The following RAB5A variants were observed in gnomAD, a reference collection of about 807,000 sequenced individuals.
The protein encoded by RAB5A is RAB5A, member RAS oncogene family, also known as ras-related protein Rab-5A.
RAB5A carries 8 observed loss-of-function variants against 25.7 expected under a neutral mutation model. The observed-to-expected ratio is 0.31, with a 90% confidence interval of 0.18 to 0.56. The LOEUF is 0.56. Among genes scored for constraint, RAB5A ranks in the 20% least tolerant of loss-of-function variants. The pLI is 0.91. For missense variants in RAB5A, 192 were observed against 259.7 expected (o/e 0.74, Z 1.79); for synonymous variants, 98 against 89.8 (o/e 1.09, Z -0.52).
At position 19,975,896 on chromosome 3, in the gene RAB5A, T is replaced by TAA. The variant is rs140496148; in HGVS notation, c.316-143_316-142dup. 9.1e-4 allele frequency: 1,168 copies of TAA among 1,286,976 alleles called. 1 individual carries two copies. Among genetic ancestry groups the TAA allele is most frequent in the Middle Eastern group, 1.6e-3 (6 of 3,832 alleles). 79.7% of individuals were successfully genotyped at this position (1,286,976 alleles called of 1,614,324 possible). A position where few individuals can be genotyped will look rare whatever the true frequency, so the allele number is the denominator to read the frequency against. ...TTTTGTGAATTAGAAAATCTGGTTT[T>TAA]AAAAAAAAACGAAAATGTCTCATAA... is the stretch of plus-strand genomic sequence containing the variant. On this transcript the variant is annotated intron_variant, in intron 3 of 5. Coordinates refer to ENST00000273047, the MANE Select transcript of RAB5A (RefSeq NM_004162.5).
chr3:19,982,784 C>T (rs1433624880), intron 5 of RAB5A, among the ~76,000 whole-genome samples: 2 of 149,804 alleles, frequency 1.3e-5, no homozygotes, highest in African/African-American at 2.5e-5. Context: ...AAAAAGAGAG[C>T]ATGTATATAG....
At chr3:19,969,970 A>G (rs1696721126) in intron 2 of RAB5A, among the ~76,000 whole-genome samples, 1 of 150,344 alleles carries the variant, frequency 6.7e-6, no homozygotes, top group Admixed American at 6.7e-5. Context: ...TGCCCGGCTA[A>G]TTTGTATTTT....
At chr3:19,975,430 GTTTTC>G (rs943719686) in intron 2 of RAB5A, 166 bp from the exon 3 acceptor site, 3 of 570,194 alleles carry the variant, frequency 5.3e-6, no homozygotes, top group African/African-American at 3.8e-5. Context: ...GTTTCTAGGT[GTTTTC>G]TTTTTTTTTC....
chr3:19,975,719 A>G lies in RAB5A; in HGVS notation c.282A>G (p.Gln94=), dbSNP rs1575076136. Residue 94 remains glutamine, a synonymous_variant, in exon 3 of 6, where the codon CAA becomes CAG. Coordinates refer to ENST00000273047, the MANE Select transcript of RAB5A (RefSeq NM_004162.5). ...CACCAATGTACTACAGAGGAGCACA[A>G]GCAGCCATAGTTGTATATGATATCA... is the stretch of plus-strand genomic sequence containing the variant. ...SLAPMYYRGA[Q]AAIVVYDITN... is the part of the protein sequence containing the mutation. 3 of 1,613,736 alleles carry G rather than the reference A, an allele frequency of 1.9e-6. No individual in the cohort carries two copies. The highest frequency in any genetic ancestry group is 2.2e-5 in the East Asian group (1 of 44,848).
At chr3:19,956,158 C>T (rs934734911) in intron 2 of RAB5A, among the ~76,000 whole-genome samples, 6 of 152,146 alleles carry the variant, frequency 3.9e-5, no homozygotes. Context: ...CCTGATAATA[C>T]ACAAAATTAA....
intron 2 of RAB5A, among the ~76,000 whole-genome samples, chr3:19,971,913 A>G (rs937101988): frequency 1.3e-5 from 2 of 152,196 alleles, no homozygotes; most frequent in Non-Finnish European, 2.9e-5. Flanking sequence ...TATCTGAAGT[A>G]GCCTCTAAAT....
chr3:19,947,757 G>A (rs1696345303), intron 1 of RAB5A: 1 of 152,320 alleles, frequency 6.6e-6, no homozygotes, highest in Admixed American at 6.5e-5. Flanking sequence ...GGGAGCGACG[G>A]GTGTCACCCT....
Position 19,976,033 on chromosome 3 carries a change from T to G in RAB5A, c.316-14T>G. On this transcript the variant is annotated splice_polypyrimidine_tract_variant and intron_variant, in intron 3 of 5. Transcript: ENST00000273047. ...TTTGAGCCTGTGCTCAATGGCTGTT[T>G]CTTTGTTTAACAGGAGTCCTTTGCA... 3.7e-6 allele frequency: 6 copies of G among 1,603,888 alleles called. No individual in the cohort carries two copies. The highest frequency in any genetic ancestry group is 5.1e-6 in the Non-Finnish European group (6 of 1,177,634).
At chr3:19,953,345 C>T (rs1384988823) in intron 2 of RAB5A, among the ~76,000 whole-genome samples, 4 of 150,818 alleles carry the variant, frequency 2.7e-5, no homozygotes, top group African/African-American at 9.7e-5. Flanking sequence ...TAAAGATTTT[C>T]ATTTCTATGT....
chr3:19,979,504 C>G, intron 5 of RAB5A, among the ~76,000 whole-genome samples: 1 of 151,664 alleles, frequency 6.6e-6, no homozygotes, highest in Admixed American at 6.6e-5. Flanking sequence ...CCAGGATGGT[C>G]TCAATCTCCT....
At chr3:19,963,713 T>C (rs1052197602) in intron 2 of RAB5A, among the ~76,000 whole-genome samples, 1 of 152,146 alleles carries the variant, frequency 6.6e-6, no homozygotes, top group Non-Finnish European at 1.5e-5. Context: ...GGCATGATTA[T>C]GGCTCACTGC....
At position 19,970,043 on chromosome 3, in the gene RAB5A, A is replaced by G. The variant is rs1340662389; in HGVS notation, c.164-5558A>G. ...CCTTGAATTCCAGACCTTGTGATCC[A>G]CCCACCTCGGCCACCATGCCCGGCT... On this transcript the variant is annotated intron_variant, in intron 2 of 5. Transcript: ENST00000273047. Among the ~76,000 whole-genome samples the G allele has an allele frequency of 3.1e-5, 3 of 95,386 alleles. No homozygotes were observed. The East Asian group carries it at 6.2e-4, about 20-fold the overall frequency. 62.6% of individuals were successfully genotyped at this position (95,386 alleles called of 152,430 possible). A position where few individuals can be genotyped will look rare whatever the true frequency, so the allele number is the denominator to read the frequency against.
intron 5 of RAB5A, among the ~76,000 whole-genome samples, chr3:19,982,240 A>T (rs1190496890): frequency 2.0e-5 from 3 of 152,220 alleles, no homozygotes; most frequent in Non-Finnish European, 4.4e-5. Flanking sequence ...CTTGTCTCCA[A>T]AATGAAAAGA....
intron 2 of RAB5A, chr3:19,970,634 G>A: frequency 3.5e-5 from 16 of 456,566 alleles, no homozygotes; most frequent in South Asian, 2.3e-4. Context: ...TGGAAGTGAA[G>A]AGAAAATGAA....
intron 2 of RAB5A, among the ~76,000 whole-genome samples, chr3:19,951,561 T>A (rs1229584321): frequency 6.6e-6 from 1 of 152,210 alleles, no homozygotes; most frequent in African/African-American, 2.4e-5. Context: ...GGGATCTTGC[T>A]GTCGCCTAGG....
chr3:19,971,438 C>T (rs562448342), intron 2 of RAB5A, among the ~76,000 whole-genome samples: 310 of 152,054 alleles, frequency 2.0e-3, no homozygotes, highest in African/African-American at 7.3e-3. Flanking sequence ...CTTTATCATA[C>T]CACATGAACA....
chr3:19,963,562 C>T (rs1335017781), intron 2 of RAB5A, among the ~76,000 whole-genome samples: 1 of 152,114 alleles, frequency 6.6e-6, no homozygotes, highest in Admixed American at 6.6e-5. Context: ...CAGGTTTCCT[C>T]TAACTGTTAA....
At chr3:19,967,312 T>C (rs1206589348) in intron 2 of RAB5A, among the ~76,000 whole-genome samples, 1 of 152,088 alleles carries the variant, frequency 6.6e-6, no homozygotes, top group Non-Finnish European at 1.5e-5. Flanking sequence ...GTCCAGCTGA[T>C]TTTTGTGTTT....
chr3:19,950,212 G>A (rs550369114), intron 1 of RAB5A, among the ~76,000 whole-genome samples: 1 of 152,250 alleles, frequency 6.6e-6, no homozygotes, highest in South Asian at 2.1e-4. Context: ...CTGCCGTTAG[G>A]CACACAAACC....
Sources: allele counts gnomAD v4.1 joint callset (sites outside exome capture counted in the v4.1 genomes callset), GRCh38; gene constraint gnomAD v4.1.1; transcripts MANE v1.5; gene names NCBI Gene and HGNC (gene_info 2026-07-23, HGNC 2026-07-21).